The following SFMBT2 variants were observed in gnomAD, a reference collection of about 807,000 sequenced individuals.
SFMBT2 encodes Scm like with four mbt domains 2, also known as scm-like with four MBT domains protein 2.
Under a neutral mutation model 110.1 loss-of-function variants are expected in SFMBT2, and 38 were observed. The ratio of observed to expected loss-of-function variants is 0.35; its 90% CI spans 0.27 to 0.45. SFMBT2 has a LOEUF of 0.45. SFMBT2 is among the 20% of genes least tolerant of loss of function. The pLI is 1.00. For synonymous variants in SFMBT2, 425 were observed against 425.4 expected, an observed-to-expected ratio of 1.00 and a Z score of 0.01; for missense variants, 1,011 against 1,094.9, an observed-to-expected ratio of 0.92 and a Z score of 1.08.
At chr10:7,179,390 CGAAA>C (rs1564369329) in intron 16 of SFMBT2, among the ~76,000 whole-genome samples, 1 of 24,964 alleles carries the variant, frequency 4.0e-5, no homozygotes. Flanking sequence ...GTTGCATTTT[CGAAA>C]AAAAAAAAAA....
At chr10:7,231,306 A>C (rs1840106947) in intron 9 of SFMBT2, among the ~76,000 whole-genome samples, 1 of 152,184 alleles carries the variant, frequency 6.6e-6, no homozygotes. Flanking sequence ...TTCCTGAGTT[A>C]ATTTCAAGAG....
At chr10:7,361,879 G>A (rs11593644) in intron 4 of SFMBT2, among the ~76,000 whole-genome samples, 240 of 152,174 alleles carry the variant, frequency 1.6e-3, no homozygotes, top group Middle Eastern at 0.01. Context: ...TTGGGGGCTC[G>A]GCAGGCACCG....
chr10:7,367,942 C>A lies in SFMBT2; in HGVS notation c.196-53G>T. On this transcript the variant is annotated intron_variant, in intron 3 of 20. Coordinates refer to ENST00000397167, the MANE Select transcript of SFMBT2 (RefSeq NM_001387889.1). The surrounding 1 kb of genome is among the most constrained non-coding windows in gnomAD (Gnocchi z 6.2). ...CATTACTACACTAGACACAATACAT[C>A]CAGAAGATGACAAAAACCACTAAAA... 2 of 1,574,590 alleles carry A rather than the reference C, an allele frequency of 1.3e-6. No individual in the cohort carries two copies. The highest frequency in any genetic ancestry group is 1.2e-5 in the South Asian group (1 of 85,254).
intron 10 of SFMBT2, among the ~76,000 whole-genome samples, chr10:7,225,976 G>C (rs1392066554): frequency 6.6e-6 from 1 of 152,292 alleles, no homozygotes; most frequent in African/African-American, 2.4e-5. Flanking sequence ...AAAGCTTTCA[G>C]AGTTAACCAG....
At chr10:7,215,603 G>A (rs1346371319) in intron 11 of SFMBT2, 9 of 985,380 alleles carry the variant, frequency 9.1e-6, no homozygotes, top group African/African-American at 1.7e-5. Flanking sequence ...TCAGAACCTG[G>A]GTTCACCTGC....
chr10:7,377,298 G>A (rs1197166218), intron 2 of SFMBT2, among the ~76,000 whole-genome samples: 1 of 151,974 alleles, frequency 6.6e-6, no homozygotes, highest in Non-Finnish European at 1.5e-5. Flanking sequence ...GAGGGAGACA[G>A]TAACACAGTG....
chr10:7,342,703 G>A (rs1843965964), intron 4 of SFMBT2, among the ~76,000 whole-genome samples: 1 of 152,144 alleles, frequency 6.6e-6, no homozygotes, highest in Non-Finnish European at 1.5e-5. Flanking sequence ...GGCCTGGAGT[G>A]AGTCTTTCAA....
intron 1 of SFMBT2, among the ~76,000 whole-genome samples, chr10:7,388,122 C>A (rs1301480840): frequency 1.3e-5 from 2 of 152,110 alleles, no homozygotes; most frequent in Admixed American, 1.3e-4. Context: ...TCCCCCATTC[C>A]ATGTCAGGCA....
At chr10:7,210,882 C>G (rs570440227) in intron 11 of SFMBT2, among the ~76,000 whole-genome samples, 6 of 151,432 alleles carry the variant, frequency 4.0e-5, no homozygotes, top group Admixed American at 2.0e-4. Context: ...AGGAAACAGG[C>G]TGAAGGAAAT....
intron 2 of SFMBT2, among the ~76,000 whole-genome samples, chr10:7,372,701 C>T (rs550155377): frequency 8.1e-4 from 123 of 152,348 alleles, no homozygotes; most frequent in African/African-American, 2.9e-3. Flanking sequence ...TGCCTCCCAA[C>T]GGCACTGGGC....
At position 7,408,252 on chromosome 10, in the gene SFMBT2, G is replaced by A. The variant is rs1015961947; in HGVS notation, c.-52+2609C>T. Among the ~76,000 whole-genome samples, 9 of 152,194 alleles carry A rather than the reference G, an allele frequency of 5.9e-5. No individual in the cohort carries two copies. Among genetic ancestry groups the A allele is most frequent in the African/African-American group, 2.2e-4 (9 of 41,456 alleles). ...CCCGGGAGGGCGCGCCCAAACGCAG[G>A]CTGGAGGAGCCACGGACGCGTCCTG... On this transcript the variant is annotated intron_variant, in intron 1 of 20. Coordinates refer to ENST00000397167, the MANE Select transcript of SFMBT2 (RefSeq NM_001387889.1). The surrounding 1 kb of genome is among the most constrained non-coding windows in gnomAD (Gnocchi z 5.7).
intron 1 of SFMBT2, among the ~76,000 whole-genome samples, chr10:7,406,314 C>T (rs146552162): frequency 6.6e-6 from 1 of 151,626 alleles, no homozygotes; most frequent in African/African-American, 2.4e-5. Context: ...AAGTGTAGGG[C>T]CTGGGGAGAG....
At chr10:7,372,216 C>A (rs982671647) in intron 2 of SFMBT2, among the ~76,000 whole-genome samples, 1 of 152,148 alleles carries the variant, frequency 6.6e-6, no homozygotes, top group African/African-American at 2.4e-5. Context: ...CCACGCCCGG[C>A]CTTCTTGAAA....
intron 12 of SFMBT2, chr10:7,203,866 C>T (rs1029044359): frequency 1.3e-5 from 2 of 155,242 alleles, no homozygotes; most frequent in East Asian, 1.9e-4. Context: ...CAGGCATGCA[C>T]CACCATGCCT....
chr10:7,208,847 C>T (rs764120950), intron 11 of SFMBT2, among the ~76,000 whole-genome samples: 4 of 152,120 alleles, frequency 2.6e-5, no homozygotes, highest in African/African-American at 7.2e-5. Flanking sequence ...TTGCTAGGGC[C>T]GTCTTTACCA....
In SFMBT2 at chr10:7,202,339, G is replaced by T. The variant is rs1838981364; in HGVS notation, c.1487+141C>A. The T allele has an allele frequency of 2.9e-6, 3 of 1,043,332 alleles. No individual in the cohort carries two copies. The Admixed American group carries it at 6.1e-5, about 21-fold the overall frequency. The allele number at this position is 1,043,332 out of a possible 1,614,324, so 64.6% of individuals were successfully genotyped here. A position where few individuals can be genotyped will look rare whatever the true frequency, so the allele number is the denominator to read the frequency against. On this transcript the variant is annotated intron_variant, in intron 13 of 20. Coordinates refer to ENST00000397167, the MANE Select transcript of SFMBT2 (RefSeq NM_001387889.1). ...CATAACAGGTACATAACAAATAACA[G>T]TCACTATGTTTTACTGCTACCTCTA... is the stretch of plus-strand genomic sequence containing the variant.
At chr10:7,240,707 T>C (rs1200755275) in intron 9 of SFMBT2, among the ~76,000 whole-genome samples, 1 of 152,166 alleles carries the variant, frequency 6.6e-6, no homozygotes, top group Non-Finnish European at 1.5e-5. Context: ...TCTCATCTGA[T>C]AAGCAGACAC....
intron 6 of SFMBT2, among the ~76,000 whole-genome samples, chr10:7,283,007 C>T (rs1841990649): frequency 6.6e-6 from 1 of 152,152 alleles, no homozygotes; most frequent in African/African-American, 2.4e-5. Context: ...GTGGGAGGGG[C>T]CCAGCACCTG....
At chr10:7,404,984 T>G (rs80354360) in intron 1 of SFMBT2, among the ~76,000 whole-genome samples, 4 of 152,210 alleles carry the variant, frequency 2.6e-5, no homozygotes, top group African/African-American at 9.7e-5. Flanking sequence ...TCTTACAGTC[T>G]TGTAAACATC....
Sources: allele counts gnomAD v4.1 joint callset (sites outside exome capture counted in the v4.1 genomes callset), GRCh38; gene constraint gnomAD v4.1.1; non-coding constraint Gnocchi (gnomAD v3.1); transcripts MANE v1.5; gene names NCBI Gene and HGNC (gene_info 2026-07-23, HGNC 2026-07-21).